SLC10A1: variants seen among roughly 807,000 people sequenced by gnomAD.
SLC10A1 encodes the protein solute carrier family 10 member 1.
Under a neutral mutation model 20.5 loss-of-function variants are expected in SLC10A1, and 36 were observed. That is an observed-to-expected ratio of 1.75 (90% confidence interval 1.34 to 2.32). The LOEUF (loss-of-function observed/expected upper bound fraction) is 2.32, where lower values mean the gene tolerates loss of function less well. Among genes scored for constraint, SLC10A1 ranks in the 30% most tolerant of loss-of-function variants. SLC10A1 has a pLI of 0.00. For synonymous variants in SLC10A1, 188 were observed against 163.6 expected, an observed-to-expected ratio of 1.15 and a Z score of -1.14; for missense variants, 545 against 439.1, an observed-to-expected ratio of 1.24 and a Z score of -2.16.
In SLC10A1 at chr14:69,781,652, A is replaced by G. The variant is rs184537049; in HGVS notation, c.568-2292T>C. On this transcript the variant is annotated intron_variant, in intron 2 of 4. Coordinates refer to ENST00000216540, the MANE Select transcript of SLC10A1 (RefSeq NM_003049.4). ...AATGCATGAGTAGAGTGTTGAGTCA[A>G]TGAAATGGTGGGATCCTTATTAAAG... Among the ~76,000 whole-genome samples, 298 of 152,340 alleles carry G rather than the reference A, an allele frequency of 2.0e-3. 1 individual carries two copies. The highest frequency in any genetic ancestry group is 3.1e-3 in the Admixed American group (47 of 15,302).
chr14:69,791,507 A>G (rs550213444), intron 1 of SLC10A1, among the ~76,000 whole-genome samples: 75 of 152,254 alleles, frequency 4.9e-4, no homozygotes, highest in Admixed American at 4.8e-3. Context: ...TCACCGTGTT[A>G]GCCAGGATGG....
At position 69,782,189 on chromosome 14, in the gene SLC10A1, G is replaced by T. The variant is rs535069569; in HGVS notation, c.568-2829C>A. Among the ~76,000 whole-genome samples, 60 of 152,338 alleles carry T rather than the reference G, an allele frequency of 3.9e-4. 1 individual carries two copies. In the South Asian group the frequency reaches 0.012, roughly 30 times the overall value. ...TCAGTGTAGCTGTTGACTTTGTGGTGGTTTAACCCTGGAGGTTTAGCCAGG... is the reference window on the plus strand; with the variant it reads ...TCAGTGTAGCTGTTGACTTTGTGGTTGTTTAACCCTGGAGGTTTAGCCAGG... On this transcript the variant is annotated intron_variant, in intron 2 of 4. Transcript: ENST00000216540.
chr14:69,779,219 CCAG>C lies in SLC10A1; in HGVS notation c.706_708del (p.Leu236del). The C allele has an allele frequency of 6.2e-7, 1 of 1,613,444 alleles. No homozygotes were observed. The highest frequency in any genetic ancestry group is 8.5e-7 in the Non-Finnish European group (1 of 1,179,832). ...CAGAAGAGAGCAGAGAGAACATAAC[CCAG>C]CAGAAAGCCAATAAAAGGCATCAGG... On this transcript the variant is annotated inframe_deletion, in exon 3 of 5. Transcript: ENST00000216540.
chr14:69,778,847 C>G (rs1883515649), intron 3 of SLC10A1, among the ~76,000 whole-genome samples: 2 of 152,138 alleles, frequency 1.3e-5, no homozygotes, highest in South Asian at 4.1e-4. Flanking sequence ...AAGAATGAAG[C>G]CCATGGGACA....
At chr14:69,778,810 C>T (rs533792155) in intron 3 of SLC10A1, among the ~76,000 whole-genome samples, 6 of 152,276 alleles carry the variant, frequency 3.9e-5, no homozygotes, top group African/African-American at 1.4e-4. Flanking sequence ...TTCCTAGCTT[C>T]TTATTCGTTT....
intron 4 of SLC10A1, among the ~76,000 whole-genome samples, chr14:69,777,652 G>C (rs1883481591): frequency 7.7e-6 from 1 of 130,646 alleles, no homozygotes; most frequent in African/African-American, 2.8e-5. Context: ...CTGTTCTCTG[G>C]TCTGTCTTGA....
In SLC10A1 at chr14:69,797,115, A is replaced by C; in HGVS notation, c.41T>G (p.Leu14Arg). The change falls in exon 1 of 5, where the codon CTG (leucine) becomes CGG (arginine). Residue 14 changes from leucine (L) to arginine (R), a missense_variant. Transcript: ENST00000216540. Reference sequence around the variant, plus strand: ...GGGGCGCTTGCCAAAGTTGGGTGGCAGGGTGAAGTTGAATGGGGCAGACGC... The same window carrying C: ...GGGGCGCTTGCCAAAGTTGGGTGGCCGGGTGAAGTTGAATGGGGCAGACGC... ...HNASAPFNFT[L>R]PPNFGKRPTD... The C allele has an allele frequency of 3.1e-6, 5 of 1,613,950 alleles. No homozygotes were observed. The highest frequency in any genetic ancestry group is 4.2e-6 in the Non-Finnish European group (5 of 1,179,978).
At chr14:69,786,869 A>AGT (rs1883728849) in intron 1 of SLC10A1, among the ~76,000 whole-genome samples, 1 of 152,260 alleles carries the variant, frequency 6.6e-6, no homozygotes, top group South Asian at 2.1e-4. Context: ...TGTGAGACAC[A>AGT]GTGACAGGAC....
At chr14:69,786,458 C>A in intron 1 of SLC10A1, 151 bp from the exon 2 acceptor site, 1 of 645,352 alleles carries the variant, frequency 1.5e-6, no homozygotes. Context: ...AGCATACTAT[C>A]TTCTTTTCGC....
chr14:69,781,320 T>G (rs1290505693), intron 2 of SLC10A1, among the ~76,000 whole-genome samples: 6 of 152,220 alleles, frequency 3.9e-5, no homozygotes, highest in African/African-American at 1.4e-4. Context: ...CTACCACATT[T>G]TGTACCACCT....
In SLC10A1 at chr14:69,776,119, AC is replaced by A; in HGVS notation, c.*162del. 1.7e-6 allele frequency: 1 copy of A among 602,852 alleles called. No homozygotes were observed. The highest frequency in any genetic ancestry group is 2.9e-6 in the Non-Finnish European group (1 of 339,198). The allele number at this position is 602,852 out of a possible 1,614,324, so 37.3% of individuals were successfully genotyped here. ...GATAGGTGAGGCTTCTTGGGTAGAC[AC>A]CCTGTCTGTGTTCCCGGCCAAGACT... On this transcript the variant is annotated 3_prime_UTR_variant, in exon 5 of 5. Coordinates refer to ENST00000216540, the MANE Select transcript of SLC10A1 (RefSeq NM_003049.4).
At chr14:69,784,055 G>C (rs751860288) in intron 2 of SLC10A1, among the ~76,000 whole-genome samples, 1 of 152,192 alleles carries the variant, frequency 6.6e-6, no homozygotes, top group Non-Finnish European at 1.5e-5. Flanking sequence ...GTTGACATCT[G>C]ATGATGCTGT....
At chr14:69,777,316 A>G (rs1211565374) in intron 4 of SLC10A1, among the ~76,000 whole-genome samples, 2 of 152,138 alleles carry the variant, frequency 1.3e-5, no homozygotes, top group East Asian at 1.9e-4. Flanking sequence ...CTGCTTGGCA[A>G]CCTAATTACA....
chr14:69,779,134 C>T, intron 3 of SLC10A1, 48 bp downstream of exon 3: 4 of 1,427,658 alleles, frequency 2.8e-6, no homozygotes, highest in South Asian at 1.4e-5. Flanking sequence ...CCCCTCCAGC[C>T]TGGGCAACAG....
chr14:69,794,396 G>T (rs1882344479), intron 1 of SLC10A1, among the ~76,000 whole-genome samples: 1 of 152,202 alleles, frequency 6.6e-6, no homozygotes, highest in South Asian at 2.1e-4. Flanking sequence ...AGATATTTCA[G>T]TAAAAGCACA....
intron 1 of SLC10A1, among the ~76,000 whole-genome samples, chr14:69,787,634 T>TA (rs1438287600): frequency 2.0e-5 from 3 of 152,216 alleles, no homozygotes; most frequent in Non-Finnish European, 2.9e-5. Flanking sequence ...TAAGAGCTGT[T>TA]AGAGGTGAGA....
intron 2 of SLC10A1, among the ~76,000 whole-genome samples, chr14:69,783,728 G>A (rs1265703950): frequency 6.6e-6 from 1 of 152,222 alleles, no homozygotes; most frequent in Non-Finnish European, 1.5e-5. Context: ...GGTTAGAACT[G>A]GGTGAGGAGG....
Position 69,786,170 on chromosome 14 carries a change from A to G in SLC10A1, c.494T>C (p.Leu165Pro). The G allele has an allele frequency of 1.2e-6, 2 of 1,614,164 alleles. No individual in the cohort carries two copies. Among genetic ancestry groups the G allele is most frequent in the Non-Finnish European group, 1.7e-6 (2 of 1,180,028 alleles). The change falls in exon 2 of 5, where the codon CTG becomes CCG. Residue 165 changes from leucine to proline, a missense_variant. Leu to Pro is a moderately conservative substitution (Grantham distance 98, BLOSUM62 -3). Coordinates refer to ENST00000216540, the MANE Select transcript of SLC10A1 (RefSeq NM_003049.4). ...PYKGIVISLV[L>P]VLIPCTIGIV... ...CCCTATGGTGCAAGGAATGAGAACC[A>G]GGACCAGTGATATCACGATGCCTTT...
Position 69,794,043 on chromosome 14 carries a change from C to A in SLC10A1, c.356+2757G>T, listed in dbSNP as rs1314333350. On this transcript the variant is annotated intron_variant, in intron 1 of 4. Transcript: ENST00000216540. ...GAGTGGAGGGAGACACAGTTTCCCA[C>A]AAACTCTGGGAAACCTCTGGCAAGT... is the stretch of plus-strand genomic sequence containing the variant. Among the ~76,000 whole-genome samples, 4 of 152,152 alleles carry A rather than the reference C, an allele frequency of 2.6e-5. No homozygotes were observed. In the East Asian group the frequency reaches 5.8e-4, roughly 22 times the overall value.
Sources: allele counts gnomAD v4.1 joint callset (sites outside exome capture counted in the v4.1 genomes callset), GRCh38; gene constraint gnomAD v4.1.1; transcripts MANE v1.5; gene names NCBI Gene and HGNC (gene_info 2026-07-23, HGNC 2026-07-21).